The following PRPS1 variants were observed in gnomAD, a reference collection of about 807,000 sequenced individuals.
The protein encoded by PRPS1 is phosphoribosyl pyrophosphate synthetase 1.
In PRPS1, 1 loss-of-function variant was observed where a neutral mutation model predicts 16.9. The ratio of observed to expected loss-of-function variants is 0.06; its 90% CI spans 0.02 to 0.28. The LOEUF is 0.28. Ranked by LOEUF, PRPS1 falls within the 10% of genes least tolerant of loss-of-function variation. The pLI is 1.00. For synonymous variants in PRPS1, 70 were observed against 90.2 expected, an observed-to-expected ratio of 0.78 and a Z score of 1.27; for missense variants, 47 against 254.0, an observed-to-expected ratio of 0.19 and a Z score of 5.54.
At chrX:107,634,633 T>C (rs112717844) in intron 1 of PRPS1, among the ~76,000 whole-genome samples, 4 of 110,711 alleles carry the variant, frequency 3.6e-5, no homozygotes, top group African/African-American at 1.3e-4. Context: ...TAAAGTTATT[T>C]AGAAACTTCC....
In PRPS1 at chrX:107,631,602, AG is replaced by A. The variant is rs1925309356; in HGVS notation, c.122+2854del. On this transcript the variant is annotated intron_variant, in intron 1 of 6. Coordinates refer to ENST00000372435, the MANE Select transcript of PRPS1 (RefSeq NM_002764.4). ...AGTTAAAGGGTAGATACCATTTTTC[AG>A]GCTTTTGATACCTGTTGCCAAATTA... Among the ~76,000 whole-genome samples, 6 of 112,242 alleles carry A rather than the reference AG, an allele frequency of 5.3e-5. No individual in the cohort carries two copies. The Admixed American group carries it at 5.7e-4, about 11-fold the overall frequency.
At chrX:107,644,432 C>T (rs1177058641) in intron 4 of PRPS1, among the ~76,000 whole-genome samples, 1 of 111,964 alleles carries the variant, frequency 8.9e-6, no homozygotes, top group Non-Finnish European at 1.9e-5. Flanking sequence ...CAGTCAGGTT[C>T]TCTTCTCACC....
chrX:107,628,865 A>C, intron 1 of PRPS1, 115 bp downstream of exon 1: 1 of 1,055,716 alleles, frequency 9.5e-7, no homozygotes, highest in Non-Finnish European at 1.3e-6. Flanking sequence ...GAGAGGGTGC[A>C]GCTCTGTGAC....
chrX:107,644,157 T>C (rs1925637716), intron 4 of PRPS1, among the ~76,000 whole-genome samples: 1 of 112,301 alleles, frequency 8.9e-6, no homozygotes, highest in Non-Finnish European at 1.9e-5. Flanking sequence ...TCTTCTATCC[T>C]ACCTTCTAGT....
intron 2 of PRPS1, 34 bp downstream of exon 2, chrX:107,639,512 A>G: frequency 8.4e-7 from 1 of 1,187,350 alleles, no homozygotes; most frequent in Non-Finnish European, 1.1e-6. Context: ...GAGCAGAGGA[A>G]GCAGGAGCAC....
intron 1 of PRPS1, among the ~76,000 whole-genome samples, chrX:107,634,712 A>G (rs1242652404): frequency 8.9e-6 from 1 of 111,800 alleles, no homozygotes; most frequent in African/African-American, 3.2e-5. Context: ...ATCATGGACA[A>G]TATAACAATT....
Position 107,628,787 on chromosome X carries a change from T to G in PRPS1, c.122+37T>G, listed in dbSNP as rs193273254. 2,137 of 1,208,168 alleles carry G rather than the reference T, an allele frequency of 1.8e-3. 22 individuals are homozygous for G. The Admixed American group carries it at 0.029, about 16-fold the overall frequency. ...GTTGGGACCCTGACTAGACCTCACC[T>G]GCCCAGGCGGCAGAGTATAGGAGGG... On this transcript the variant is annotated intron_variant, in intron 1 of 6. Transcript: ENST00000372435.
intron 4 of PRPS1, among the ~76,000 whole-genome samples, chrX:107,642,769 A>G (rs910485207): frequency 8.9e-6 from 1 of 112,089 alleles, no homozygotes; most frequent in East Asian, 2.8e-4. Context: ...CAATACAGCT[A>G]TAAACCTTTT....
In PRPS1 at chrX:107,641,151, C is replaced by A. The variant is rs771409227; in HGVS notation, c.405+151C>A. 1.3e-5 allele frequency: 15 copies of A among 1,165,855 alleles called. No homozygotes were observed. The South Asian group carries it at 2.8e-4, about 22-fold the overall frequency. On this transcript the variant is annotated intron_variant, in intron 3 of 6. Coordinates refer to ENST00000372435, the MANE Select transcript of PRPS1 (RefSeq NM_002764.4). ...TTTAAATGTGTTCACCTTAAGCATA[C>A]TTCATGATCTTAGTCATTTCAGGTG... is the stretch of plus-strand genomic sequence containing the variant.
chrX:107,642,873 G>A (rs1224544919), intron 4 of PRPS1, among the ~76,000 whole-genome samples: 3 of 112,050 alleles, frequency 2.7e-5, no homozygotes, highest in East Asian at 5.6e-4. Context: ...CTCTTACAAT[G>A]CTGTTGGTTA....
chrX:107,647,322 C>T (rs1925719629), intron 5 of PRPS1, among the ~76,000 whole-genome samples: 1 of 112,414 alleles, frequency 8.9e-6, no homozygotes, highest in African/African-American at 3.2e-5. Flanking sequence ...GAGAAGAGGC[C>T]TCAGCATGAC....
In PRPS1 at chrX:107,650,286, C is replaced by A; in HGVS notation, c.*254C>A. The A allele has an allele frequency of 2.0e-6, 1 of 491,423 alleles. No individual in the cohort carries two copies. Among genetic ancestry groups the A allele is most frequent in the Non-Finnish European group, 3.3e-6 (1 of 305,002 alleles). 40.5% of individuals were successfully genotyped at this position (491,423 alleles called of 1,213,427 possible). The stretch of plus-strand genomic sequence containing the variant: ...CCTTGCAGCTTTAACTATAGCTCAG[C>A]TGCTGCAAGATTTCAGACTTTTGAG... On this transcript the variant is annotated 3_prime_UTR_variant, in exon 7 of 7. Transcript: ENST00000372435.
intron 6 of PRPS1, among the ~76,000 whole-genome samples, chrX:107,648,737 T>TC (rs1459173105): frequency 9.0e-6 from 1 of 111,015 alleles, no homozygotes; most frequent in Non-Finnish European, 1.9e-5. Flanking sequence ...CTTTTTTTTT[T>TC]CCTTCATAAG....
chrX:107,644,233 G>A (rs759100887), intron 4 of PRPS1, among the ~76,000 whole-genome samples: 2 of 112,238 alleles, frequency 1.8e-5, no homozygotes, highest in South Asian at 3.7e-4. Flanking sequence ...ACTTTGGACC[G>A]AATGGTGAGA....
chrX:107,642,266 G>A, intron 3 of PRPS1, 100 bp from the exon 4 acceptor site: 2 of 1,094,678 alleles, frequency 1.8e-6, no homozygotes, highest in East Asian at 3.1e-5. Flanking sequence ...TTTGAATGTT[G>A]CAGTAAGACA....
Position 107,650,284 on chromosome X carries a change from A to C in PRPS1, c.*252A>C. On this transcript the variant is annotated 3_prime_UTR_variant, in exon 7 of 7. Coordinates refer to ENST00000372435, the MANE Select transcript of PRPS1 (RefSeq NM_002764.4). ...GGCCTTGCAGCTTTAACTATAGCTC[A>C]GCTGCTGCAAGATTTCAGACTTTTG... The C allele has an allele frequency of 2.0e-6, 1 of 490,001 alleles. No homozygotes were observed. The highest frequency in any genetic ancestry group is 3.3e-6 in the Non-Finnish European group (1 of 303,721). The allele number at this position is 490,001 out of a possible 1,213,427, so 40.4% of individuals were successfully genotyped here. A position where few individuals can be genotyped will look rare whatever the true frequency, so the allele number is the denominator to read the frequency against.
intron 5 of PRPS1, among the ~76,000 whole-genome samples, chrX:107,646,603 C>G (rs769386645): frequency 1.8e-5 from 2 of 112,415 alleles, no homozygotes; most frequent in Admixed American, 1.9e-4. Flanking sequence ...AACTCCCTAA[C>G]ATGATAGTTT....
intron 1 of PRPS1, among the ~76,000 whole-genome samples, chrX:107,632,261 T>G (rs1386098920): frequency 2.7e-5 from 3 of 112,486 alleles, no homozygotes; most frequent in Non-Finnish European, 3.7e-5. Context: ...TATTTGTAAA[T>G]AACTTTGGTT....
At chrX:107,646,594 A>G (rs1018271978) in intron 5 of PRPS1, among the ~76,000 whole-genome samples, 1 of 111,623 alleles carries the variant, frequency 9.0e-6, no homozygotes, top group Non-Finnish European at 1.9e-5. Flanking sequence ...TAACAGATCA[A>G]CTCCCTAACA....
Sources: allele counts gnomAD v4.1 joint callset (sites outside exome capture counted in the v4.1 genomes callset), GRCh38; gene constraint gnomAD v4.1.1; transcripts MANE v1.5; gene names NCBI Gene and HGNC (gene_info 2026-07-23, HGNC 2026-07-21).